CEP295: variants seen among roughly 807,000 people sequenced by gnomAD.
CEP295 encodes centrosomal protein 295.
A neutral mutation model predicts 291.6 loss-of-function variants in CEP295; 190 were observed. That is an observed-to-expected ratio of 0.65 (90% CI 0.58 to 0.73). The LOEUF is 0.73. Among genes scored for constraint, CEP295 ranks in the 30% least tolerant of loss-of-function variants. The probability of loss-of-function intolerance (pLI) is 0.00; values close to 1 mark genes in which losing one functional copy is unlikely to be tolerated. For missense variants in CEP295, 2,863 were observed against 2,949.4 expected, an observed-to-expected ratio of 0.97 and a Z score of 0.68; for synonymous variants, 993 against 1,038.8, an observed-to-expected ratio of 0.96 and a Z score of 0.85.
intron 1 of CEP295, among the ~76,000 whole-genome samples, chr11:93,666,122 G>A (rs935590823): frequency 2.6e-5 from 4 of 152,182 alleles, no homozygotes; most frequent in African/African-American, 7.2e-5. Context: ...ATAAACAGGA[G>A]AAAACTTTTC....
chr11:93,693,276 CA>C (rs200935577), intron 12 of CEP295, among the ~76,000 whole-genome samples: 108 of 139,346 alleles, frequency 7.8e-4, no homozygotes, highest in East Asian at 2.5e-3. Context: ...GACTCTGTCT[CA>C]AAAAAAAAAA....
At chr11:93,666,318 G>C (rs1212502702) in intron 1 of CEP295, among the ~76,000 whole-genome samples, 2 of 152,154 alleles carry the variant, frequency 1.3e-5, no homozygotes, top group African/African-American at 4.8e-5. Flanking sequence ...TTCTGAGCAG[G>C]CATGGTGGCT....
intron 7 of CEP295, among the ~76,000 whole-genome samples, chr11:93,683,193 G>A (rs895197643): frequency 6.6e-6 from 1 of 152,204 alleles, no homozygotes; most frequent in Non-Finnish European, 1.5e-5. Flanking sequence ...AGGAGCCATG[G>A]CAACTTATAT....
chr11:93,680,943 G>A (rs1950928379), intron 7 of CEP295, among the ~76,000 whole-genome samples: 1 of 152,140 alleles, frequency 6.6e-6, no homozygotes, highest in Non-Finnish European at 1.5e-5. Context: ...ACTAAATCAT[G>A]AGCTTCTCCC....
Position 93,697,304 on chromosome 11 carries a change from C to A in CEP295, c.2392C>A (p.Leu798Met). 6.4e-7 allele frequency: 1 copy of A among 1,551,768 alleles called. No homozygotes were observed. The highest frequency in any genetic ancestry group is 8.7e-7 in the Non-Finnish European group (1 of 1,147,016). The change falls in exon 15 of 30, where the codon CTG becomes ATG. Residue 798 changes from leucine (L) to methionine (M), a missense_variant. Leu to Met is a conservative substitution (Grantham distance 15). Transcript: ENST00000325212. ...PLVPQHSFSS[L>M]PVKVESGKIQ... ...GGTACCTCAGCATTCTTTTAGTTCT[C>A]TGCCTGTTAAAGTTGAGTCAGGAAA...
chr11:93,717,788 C>T (rs1953380369), intron 18 of CEP295, among the ~76,000 whole-genome samples: 1 of 151,940 alleles, frequency 6.6e-6, no homozygotes, highest in African/African-American at 2.4e-5. Flanking sequence ...GACTGGCATT[C>T]CATGGAATTG....
chr11:93,711,979 T>C (rs1952936087), intron 18 of CEP295, among the ~76,000 whole-genome samples: 1 of 152,116 alleles, frequency 6.6e-6, no homozygotes. Flanking sequence ...TGGTCTATGG[T>C]GAAGATTAAG....
chr11:93,668,922 CAAAA>C lies in CEP295; in HGVS notation c.427_430del (p.Lys143ProfsTer4). On this transcript the variant is annotated frameshift_variant, in exon 4 of 30. Transcript: ENST00000325212. LOFTEE classifies it high-confidence loss of function. The stretch of plus-strand genomic sequence containing the variant: ...AAATCAAAAAGAAATATTACTGAAA[CAAAA>C]AACCTGGTAAAGTAATAATTTTTAC... 2.5e-6 allele frequency: 3 copies of C among 1,191,298 alleles called. No homozygotes were observed. The highest frequency in any genetic ancestry group is 3.6e-6 in the Non-Finnish European group (3 of 843,010). 73.8% of individuals were successfully genotyped at this position (1,191,298 alleles called of 1,614,324 possible). A position where few individuals can be genotyped will look rare whatever the true frequency, so the allele number is the denominator to read the frequency against.
chr11:93,676,391 T>C (rs935655869), intron 6 of CEP295, among the ~76,000 whole-genome samples: 2 of 152,036 alleles, frequency 1.3e-5, no homozygotes, highest in African/African-American at 4.8e-5. Flanking sequence ...GTTATTATAA[T>C]TGCTATTTCT....
At chr11:93,685,213 A>G (rs1269161055) in intron 9 of CEP295, among the ~76,000 whole-genome samples, 3 of 152,166 alleles carry the variant, frequency 2.0e-5, no homozygotes, top group Non-Finnish European at 4.4e-5. Flanking sequence ...TTTGCCCCGT[A>G]TCTACTGGTA....
chr11:93,723,807 T>A (rs1191327472), intron 21 of CEP295: 1 of 159,488 alleles, frequency 6.3e-6, no homozygotes, highest in African/African-American at 2.4e-5. Context: ...TGATCCTCAT[T>A]AGCCTCATAA....
At chr11:93,704,425 G>C (rs956704401) in intron 17 of CEP295, among the ~76,000 whole-genome samples, 1 of 152,106 alleles carries the variant, frequency 6.6e-6, no homozygotes, top group Non-Finnish European at 1.5e-5. Flanking sequence ...CTGGTGTAAT[G>C]CAGGGAAACC....
intron 18 of CEP295, among the ~76,000 whole-genome samples, chr11:93,708,128 C>G (rs1328629593): frequency 1.3e-5 from 2 of 152,080 alleles, no homozygotes; most frequent in African/African-American, 4.8e-5. Flanking sequence ...ATATTCACAT[C>G]ATGGTAAATG....
chr11:93,716,651 G>A (rs1239215855), intron 18 of CEP295, among the ~76,000 whole-genome samples: 1 of 152,212 alleles, frequency 6.6e-6, no homozygotes, highest in African/African-American at 2.4e-5. Flanking sequence ...CTTCACAAAA[G>A]GGGGTGGGCT....
Position 93,697,441 on chromosome 11 carries a change from G to C in CEP295, c.2529G>C (p.Gln843His), listed in dbSNP as rs1239146865. The stretch of plus-strand genomic sequence containing the variant: ...TGCCGTCAGAGAATATCACAGCCCA[G>C]CAAGGTAATATGAAGGCCCTCCAAG... ...PLLPSENITA[Q>H]QGNMKALQEQ... The change falls in exon 15 of 30, where the codon CAG (glutamine) becomes CAC (histidine). Residue 843 changes from glutamine to histidine, a missense_variant. Physicochemically the swap from Gln to His is conservative, Grantham distance 24. Transcript: ENST00000325212. 5 of 1,552,218 alleles carry C rather than the reference G, an allele frequency of 3.2e-6. No individual in the cohort carries two copies. Among genetic ancestry groups the C allele is most frequent in the Non-Finnish European group, 4.4e-6 (5 of 1,147,112 alleles).
At position 93,697,294 on chromosome 11, in the gene CEP295, T is replaced by G; in HGVS notation, c.2382T>G (p.Ser794=). 3.9e-6 allele frequency: 6 copies of G among 1,551,798 alleles called. No individual in the cohort carries two copies. In the South Asian group the frequency reaches 7.1e-5, roughly 18 times the overall value. The change falls in exon 15 of 30, where the codon TCT becomes TCG. Residue 794 remains serine, a synonymous_variant. Transcript: ENST00000325212. ...SSFVPLVPQH[S]FSSLPVKVES... Reference sequence around the variant, plus strand: ...TTGTACCACTGGTACCTCAGCATTCTTTTAGTTCTCTGCCTGTTAAAGTTG... The same window carrying G: ...TTGTACCACTGGTACCTCAGCATTCGTTTAGTTCTCTGCCTGTTAAAGTTG...
At chr11:93,706,036 G>A (rs1952490881) in intron 17 of CEP295, among the ~76,000 whole-genome samples, 1 of 152,120 alleles carries the variant, frequency 6.6e-6, no homozygotes, top group Admixed American at 6.6e-5. Context: ...ACTCTTGCCT[G>A]CTTTCTGTGC....
Position 93,728,690 on chromosome 11 carries a change from A to G in CEP295, c.7171A>G (p.Thr2391Ala). Residue 2391 changes from threonine to alanine, a missense_variant, in exon 25 of 30, where the codon ACT becomes GCT. Physicochemically the swap from Thr to Ala is moderately conservative, Grantham distance 58. Coordinates refer to ENST00000325212, the MANE Select transcript of CEP295 (RefSeq NM_033395.2). ...TAATTGTGGTTCACAGGAAACAGAAACTGGCCATGGTATAATGGAAGAACC... is the reference window on the plus strand; with the variant it reads ...TAATTGTGGTTCACAGGAAACAGAAGCTGGCCATGGTATAATGGAAGAACC... ...QSSIPVWETE[T>A]GHGIMEEPEL... 1 of 1,533,674 alleles carries G rather than the reference A, an allele frequency of 6.5e-7. No homozygotes were observed. Among genetic ancestry groups the G allele is most frequent in the Non-Finnish European group, 8.8e-7 (1 of 1,141,864 alleles).
rs1433845720 is a variant in CEP295 at position 93,667,790 on chromosome 11, C to T, written c.292C>T (p.Arg98Ter). 3.2e-6 allele frequency: 5 copies of T among 1,549,244 alleles called. No individual in the cohort carries two copies. The highest frequency in any genetic ancestry group is 3.5e-6 in the Non-Finnish European group (4 of 1,145,952). The change falls in exon 3 of 30, where the codon CGA becomes TGA. Residue 98 changes from arginine to a stop codon, truncating the protein, a stop_gained. Transcript: ENST00000325212. LOFTEE classifies it high-confidence loss of function. Reference protein sequence around the residue: ...ASLRSMGEGHRQAKENEPDLD... With the variant: ...ASLRSMGEGH ...TTTAAGAAGTATGGGAGAGGGACAT[C>T]GACAGGCCAAAGAAAATGTGAGTGA...
Sources: gnomAD v4.1 joint callset for allele counts (sites outside exome capture counted in the v4.1 genomes callset) on GRCh38, gnomAD v4.1.1 for gene constraint, MANE v1.5 for transcripts, NCBI Gene and HGNC (gene_info 2026-07-23, HGNC 2026-07-21) for gene names.